POTEJ: variants seen among roughly 807,000 people sequenced by gnomAD.
The protein encoded by POTEJ is POTE ankyrin domain family, member J.
POTEJ carries 11 observed loss-of-function variants against 69.0 expected under a neutral mutation model. The observed-to-expected ratio is 0.16, with a 90% confidence interval of 0.10 to 0.26. The LOEUF is 0.26. Ranked by LOEUF, POTEJ falls within the 10% of genes least tolerant of loss-of-function variation. The probability of loss-of-function intolerance (pLI) is 1.00; values close to 1 mark genes in which losing one functional copy is unlikely to be tolerated. For missense variants in POTEJ, 327 were observed against 1,045.5 expected, an observed-to-expected ratio of 0.31 and a Z score of 9.48; for synonymous variants, 117 against 381.1, an observed-to-expected ratio of 0.31 and a Z score of 8.07.
At chr2:130,622,891 G>A (rs1445511780) in intron 5 of POTEJ, 4 of 147,824 alleles carry the variant, frequency 2.7e-5, no homozygotes, top group African/African-American at 7.7e-5. Context: ...GGGAAAGTTA[G>A]CGTGGCTTCT....
chr2:130,627,333 C>A (rs1261770739), intron 6 of POTEJ, among the ~76,000 whole-genome samples: 1 of 150,116 alleles, frequency 6.7e-6, no homozygotes, highest in East Asian at 1.9e-4. Context: ...CCATGTGTAT[C>A]ACCATCAATG....
chr2:130,613,424 T>A (rs1685316143), intron 1 of POTEJ, among the ~76,000 whole-genome samples: 1 of 143,014 alleles, frequency 7.0e-6, no homozygotes, highest in Non-Finnish European at 1.5e-5. Flanking sequence ...TTTTTTTTGG[T>A]GGAGTCTCAC....
intron 13 of POTEJ, among the ~76,000 whole-genome samples, chr2:130,650,481 A>T (rs1421498359): frequency 6.6e-6 from 1 of 151,940 alleles, no homozygotes; most frequent in African/African-American, 2.4e-5. Flanking sequence ...GGCCTAGCCT[A>T]TCAGACGTAG....
chr2:130,649,705 A>C (rs1376133380), intron 13 of POTEJ, among the ~76,000 whole-genome samples: 1 of 151,020 alleles, frequency 6.6e-6, no homozygotes, highest in Non-Finnish European at 1.5e-5. Flanking sequence ...TCCTGCTGAA[A>C]CTTCTGTTTC....
chr2:130,641,296 T>A (rs1440776285), intron 10 of POTEJ, among the ~76,000 whole-genome samples: 5 of 152,096 alleles, frequency 3.3e-5, no homozygotes, highest in African/African-American at 1.2e-4. Flanking sequence ...TGGAGTAGCA[T>A]CAATGTATTA....
At chr2:130,638,379 C>A (rs1686188578) in intron 9 of POTEJ, among the ~76,000 whole-genome samples, 2 of 150,446 alleles carry the variant, frequency 1.3e-5, no homozygotes, top group Admixed American at 6.6e-5. Flanking sequence ...CAGGCTAACG[C>A]AAGTTAATTT....
chr2:130,626,676 C>A (rs1467932033), intron 6 of POTEJ, among the ~76,000 whole-genome samples: 2 of 152,168 alleles, frequency 1.3e-5, no homozygotes, highest in African/African-American at 4.8e-5. Flanking sequence ...TGTAAAGAAA[C>A]CAGGAGACAA....
At chr2:130,613,071 G>A (rs1458011476) in intron 1 of POTEJ, among the ~76,000 whole-genome samples, 1 of 134,792 alleles carries the variant, frequency 7.4e-6, no homozygotes, top group African/African-American at 2.8e-5. Flanking sequence ...GTGATGTTTT[G>A]TATTATTTAA....
At chr2:130,612,565 C>A (rs1325609890) in intron 1 of POTEJ, among the ~76,000 whole-genome samples, 2 of 152,252 alleles carry the variant, frequency 1.3e-5, no homozygotes, top group African/African-American at 2.4e-5. Flanking sequence ...TCGAGACCAT[C>A]CTGGCTAACA....
At chr2:130,612,612 A>C (rs1295197775) in intron 1 of POTEJ, among the ~76,000 whole-genome samples, 1 of 150,006 alleles carries the variant, frequency 6.7e-6, no homozygotes, top group Non-Finnish European at 1.5e-5. Context: ...TTATAAAAAA[A>C]ATTAGCCGGG....
At chr2:130,638,167 T>G (rs1285677055) in intron 9 of POTEJ, among the ~76,000 whole-genome samples, 1 of 150,618 alleles carries the variant, frequency 6.6e-6, no homozygotes, top group Non-Finnish European at 1.5e-5. Flanking sequence ...GAACAAATTA[T>G]TCCATTGTTT....
At chr2:130,625,087 T>A (rs1281933364) in intron 6 of POTEJ, among the ~76,000 whole-genome samples, 2 of 152,182 alleles carry the variant, frequency 1.3e-5, no homozygotes, top group Admixed American at 6.5e-5. Context: ...GTCCAAACTG[T>A]ATGAGGACAC....
intron 3 of POTEJ, among the ~76,000 whole-genome samples, chr2:130,618,606 C>T (rs1429668024): frequency 6.8e-6 from 1 of 146,688 alleles, no homozygotes; most frequent in Non-Finnish European, 1.5e-5. Context: ...ACGACGACGA[C>T]AACAACAACA....
chr2:130,630,995 A>G (rs1238453066), intron 7 of POTEJ, among the ~76,000 whole-genome samples: 5 of 144,032 alleles, frequency 3.5e-5, no homozygotes, highest in East Asian at 3.8e-4. Context: ...CTCACTTGTT[A>G]GGGTTTCATG....
At chr2:130,630,787 A>C (rs530884701) in intron 7 of POTEJ, among the ~76,000 whole-genome samples, 18 of 146,046 alleles carry the variant, frequency 1.2e-4, no homozygotes, top group Admixed American at 1.1e-3. Flanking sequence ...ATTAGTACAC[A>C]TTAGAATATA....
chr2:130,612,653 C>T (rs1474283968), intron 1 of POTEJ, among the ~76,000 whole-genome samples: 3 of 140,154 alleles, frequency 2.1e-5, no homozygotes, highest in African/African-American at 5.3e-5. Context: ...GTCCCAGCTA[C>T]TCAGGAGGCT....
At chr2:130,638,440 C>A (rs1172909157) in intron 9 of POTEJ, among the ~76,000 whole-genome samples, 179 bp from the exon 10 acceptor site, 336 of 146,604 alleles carry the variant, frequency 2.3e-3, no homozygotes, top group African/African-American at 8.4e-3. Context: ...ACTTTTTTTT[C>A]TTCTTTAATT....
chr2:130,631,662 C>G (rs1243089003), intron 8 of POTEJ, among the ~76,000 whole-genome samples: 1 of 141,636 alleles, frequency 7.1e-6, no homozygotes, highest in African/African-American at 2.8e-5. Context: ...TATTATGGAA[C>G]AATCCTGAAT....
At chr2:130,636,284 C>T (rs1299501430) in intron 9 of POTEJ, among the ~76,000 whole-genome samples, 1 of 152,178 alleles carries the variant, frequency 6.6e-6, no homozygotes, top group African/African-American at 2.4e-5. Context: ...GTGTACTACC[C>T]AGACACATCA....
Sources: allele counts gnomAD v4.1 joint callset (sites outside exome capture counted in the v4.1 genomes callset), GRCh38; gene constraint gnomAD v4.1.1; transcripts MANE v1.5; gene names NCBI Gene and HGNC (gene_info 2026-07-23, HGNC 2026-07-21).